SGCD: variants seen among roughly 807,000 people sequenced by gnomAD.
SGCD encodes the protein delta-sarcoglycan.
Under a neutral mutation model 36.6 loss-of-function variants are expected in SGCD, and 18 were observed. That is an observed-to-expected ratio of 0.49 (90% CI 0.34 to 0.73). The LOEUF is 0.73. SGCD is among the 30% of genes least tolerant of loss of function. The probability of loss-of-function intolerance (pLI) is 0.01; values close to 1 mark genes in which losing one functional copy is unlikely to be tolerated. For synonymous variants in SGCD, 133 were observed against 130.6 expected (o/e 1.02, Z -0.12); for missense variants, 387 against 346.7 (o/e 1.12, Z -0.92).
At chr5:156,643,040 G>T (rs373125424) in intron 6 of SGCD, among the ~76,000 whole-genome samples, 50 of 141,036 alleles carry the variant, frequency 3.5e-4, no homozygotes, top group Admixed American at 4.3e-4. Context: ...TTTTTTGTTT[G>T]TTTTTTTTTG....
At chr5:156,206,375 C>G (rs1406693846) in intron 3 of SGCD, among the ~76,000 whole-genome samples, 1 of 151,790 alleles carries the variant, frequency 6.6e-6, no homozygotes, top group Non-Finnish European at 1.5e-5. Flanking sequence ...GGATAAAACA[C>G]TAGATTTTTG....
chr5:156,767,171 G>C lies in SGCD; in HGVS notation c.*7781G>C, dbSNP rs953086871. The stretch of plus-strand genomic sequence containing the variant: ...GCCAGAAATCTAGCTCTCTGGAAGA[G>C]ATGCAAGATTCTAGAAAAGTAAAGG... On this transcript the variant is annotated 3_prime_UTR_variant, in exon 9 of 9. Transcript: ENST00000337851. 3.3e-5 allele frequency: 5 copies of C among 152,172 alleles called. No individual in the cohort carries two copies. The highest frequency in any genetic ancestry group is 1.2e-4 in the African/African-American group (5 of 41,432). 9.4% of individuals were successfully genotyped at this position (152,172 alleles called of 1,614,324 possible). A position where few individuals can be genotyped will look rare whatever the true frequency, so the allele number is the denominator to read the frequency against.
chr5:155,872,283 A>G (rs990010918), intron 1 of SGCD, among the ~76,000 whole-genome samples: 2 of 152,070 alleles, frequency 1.3e-5, no homozygotes, highest in Non-Finnish European at 2.9e-5. Flanking sequence ...ATAAAATAAT[A>G]TGTGAAATCA....
chr5:155,779,316 T>C, the SGCD span, among the ~76,000 whole-genome samples: 1 of 152,054 alleles, frequency 6.6e-6, no homozygotes, highest in Non-Finnish European at 1.5e-5. Context: ...TGCATTCCTG[T>C]GCTCCCATCT....
chr5:156,093,366 T>C (rs1761291718), intron 1 of SGCD, among the ~76,000 whole-genome samples: 1 of 152,220 alleles, frequency 6.6e-6, no homozygotes, highest in South Asian at 2.1e-4. Flanking sequence ...AGCACCCTGT[T>C]TTTTTAACTT....
chr5:156,226,172 G>A (rs1039359355), intron 3 of SGCD, among the ~76,000 whole-genome samples: 6 of 152,026 alleles, frequency 3.9e-5, no homozygotes, highest in African/African-American at 1.4e-4. Context: ...CATCACCTGA[G>A]CAGTATACAC....
intron 3 of SGCD, among the ~76,000 whole-genome samples, chr5:156,208,395 A>G (rs1401185602): frequency 6.6e-6 from 1 of 152,248 alleles, no homozygotes; most frequent in Non-Finnish European, 1.5e-5. Context: ...TGTTCTCTGC[A>G]TCTTCTGCCT....
intron 3 of SGCD, among the ~76,000 whole-genome samples, chr5:156,378,042 TG>T (rs1770764216): frequency 6.6e-6 from 1 of 152,198 alleles, no homozygotes; most frequent in Admixed American, 6.5e-5. Context: ...GGCAGATATT[TG>T]TTCACTAGTG....
At chr5:156,346,690 C>T (rs1768960439) in intron 3 of SGCD, among the ~76,000 whole-genome samples, 1 of 152,156 alleles carries the variant, frequency 6.6e-6, no homozygotes, top group African/African-American at 2.4e-5. Context: ...GGGTTGTAGG[C>T]ATCCAAGGTA....
chr5:155,730,024 G>C, the SGCD span, among the ~76,000 whole-genome samples: 1 of 152,110 alleles, frequency 6.6e-6, no homozygotes, highest in South Asian at 2.1e-4. Context: ...TAAACACCAG[G>C]CGTTTTTATC....
intron 6 of SGCD, among the ~76,000 whole-genome samples, chr5:156,637,145 T>G (rs557445153): frequency 1.3e-5 from 2 of 152,158 alleles, no homozygotes; most frequent in South Asian, 4.2e-4. Context: ...ATCTGATGGT[T>G]TTTTAAGGGG....
chr5:156,391,543 C>G (rs1771571609), intron 3 of SGCD, among the ~76,000 whole-genome samples: 2 of 152,172 alleles, frequency 1.3e-5, no homozygotes, highest in South Asian at 2.1e-4. Context: ...TGTCATTATT[C>G]CCTAAACAAT....
intron 3 of SGCD, among the ~76,000 whole-genome samples, chr5:156,385,263 C>T (rs1391017427): frequency 6.6e-6 from 1 of 152,164 alleles, no homozygotes; most frequent in Non-Finnish European, 1.5e-5. Context: ...GTAACTGGGC[C>T]ACCCCCTAAA....
At chr5:156,444,448 T>C (rs1259433007) in intron 3 of SGCD, among the ~76,000 whole-genome samples, 1 of 152,086 alleles carries the variant, frequency 6.6e-6, no homozygotes, top group South Asian at 2.1e-4. Flanking sequence ...AGGAGGCAGT[T>C]TGCACTTTCA....
At chr5:156,723,695 G>A (rs67453120) in intron 7 of SGCD, among the ~76,000 whole-genome samples, 14,299 of 152,174 alleles carry the variant, frequency 0.094, 1,302 homozygotes, top group African/African-American at 0.24. Context: ...GGACTGGCAC[G>A]GGAGTGGCAT....
At chr5:156,738,909 C>G (rs557768342) in intron 7 of SGCD, among the ~76,000 whole-genome samples, 1 of 152,194 alleles carries the variant, frequency 6.6e-6, no homozygotes, top group Non-Finnish European at 1.5e-5. Flanking sequence ...AGCAGACATC[C>G]AGCAGATGAG....
At chr5:156,646,472 C>T (rs751758553) in intron 6 of SGCD, among the ~76,000 whole-genome samples, 1 of 152,162 alleles carries the variant, frequency 6.6e-6, no homozygotes, top group Non-Finnish European at 1.5e-5. Flanking sequence ...CCTGCCTACA[C>T]AGAGCTTAAG....
intron 2 of SGCD, among the ~76,000 whole-genome samples, chr5:156,339,128 A>G (rs944561777): frequency 2.6e-5 from 4 of 152,028 alleles, no homozygotes; most frequent in Admixed American, 6.5e-5. Context: ...CTATTTAATT[A>G]ATTAATGATT....
chr5:155,983,649 T>A (rs1458459718), intron 1 of SGCD, among the ~76,000 whole-genome samples: 2 of 152,174 alleles, frequency 1.3e-5, no homozygotes, highest in African/African-American at 4.8e-5. Flanking sequence ...TTGGTTAGAA[T>A]TAGGATATCA....
Sources: allele counts gnomAD v4.1 joint callset (sites outside exome capture counted in the v4.1 genomes callset), GRCh38; gene constraint gnomAD v4.1.1; transcripts MANE v1.5; gene names NCBI Gene and HGNC (gene_info 2026-07-23, HGNC 2026-07-21).